FARP1: variants seen among roughly 807,000 people sequenced by gnomAD.
The protein encoded by FARP1 is FERM, ARHGEF and pleckstrin domain-containing protein 1.
In FARP1, 52 loss-of-function variants were observed where a neutral mutation model predicts 128.8. The ratio of observed to expected loss-of-function variants is 0.40; its 90% CI spans 0.32 to 0.51. The LOEUF is 0.51. Ranked by LOEUF, FARP1 falls within the 20% of genes least tolerant of loss-of-function variation. FARP1 has a pLI of 0.45. For missense variants in FARP1, 1,333 were observed against 1,367.9 expected, an observed-to-expected ratio of 0.97 and a Z score of 0.40; for synonymous variants, 580 against 551.8, an observed-to-expected ratio of 1.05 and a Z score of -0.72.
At chr13:98,182,493 AT>A (rs139148420) in intron 1 of FARP1, among the ~76,000 whole-genome samples, 73 of 151,936 alleles carry the variant, frequency 4.8e-4, no homozygotes, top group Middle Eastern at 3.4e-3. Context: ...CACCTGGCTG[AT>A]TTTTGTATTT....
intron 2 of FARP1, among the ~76,000 whole-genome samples, chr13:98,318,966 T>TG (rs200771323): frequency 0.017 from 2,401 of 141,762 alleles, 71 homozygotes; most frequent in African/African-American, 0.058. Context: ...TTTTTTTTTT[T>TG]TTTGTTTGTT....
At chr13:98,196,349 C>T (rs987572633) in intron 1 of FARP1, among the ~76,000 whole-genome samples, 2 of 152,110 alleles carry the variant, frequency 1.3e-5, no homozygotes, top group South Asian at 2.1e-4. Flanking sequence ...CTGCCACTTA[C>T]GAGCTGGGTG....
intron 13 of FARP1, chr13:98,406,108 C>G (rs1890961453): frequency 6.6e-6 from 1 of 152,224 alleles, no homozygotes; most frequent in South Asian, 2.1e-4. Flanking sequence ...TTCCCACCTG[C>G]TGGTATGGAC....
chr13:98,301,170 G>C (rs192250381), intron 2 of FARP1, among the ~76,000 whole-genome samples: 19 of 152,340 alleles, frequency 1.2e-4, no homozygotes, highest in African/African-American at 4.6e-4. Flanking sequence ...TCAAATGTCA[G>C]TAATGCAGAG....
At chr13:98,384,513 A>G in intron 6 of FARP1, 2 of 574,070 alleles carry the variant, frequency 3.5e-6, no homozygotes, top group Non-Finnish European at 6.2e-6. Context: ...TTTCTGACTG[A>G]TAGAGATGAG....
Position 98,449,050 on chromosome 13 carries a change from T to C in FARP1, c.*733T>C, listed in dbSNP as rs1179226089. The stretch of plus-strand genomic sequence containing the variant: ...GAGATCCAGTGCAATACCTGGACTG[T>C]CACCGTCCTGTGAGTGGTGTACACA... On this transcript the variant is annotated 3_prime_UTR_variant, in exon 27 of 27. Coordinates refer to ENST00000319562, the MANE Select transcript of FARP1 (RefSeq NM_005766.4). The C allele has an allele frequency of 6.6e-6, 1 of 152,250 alleles. No individual in the cohort carries two copies. Among genetic ancestry groups the C allele is most frequent in the Non-Finnish European group, 1.5e-5 (1 of 68,066 alleles). The allele number at this position is 152,250 out of a possible 1,614,324, so 9.4% of individuals were successfully genotyped here.
chr13:98,396,424 T>C, intron 13 of FARP1: 1 of 399,004 alleles, frequency 2.5e-6, no homozygotes, highest in Non-Finnish European at 4.4e-6. Flanking sequence ...CCGGGGGTCC[T>C]TGGGTGGCCT....
At chr13:98,308,956 C>T (rs905311544) in intron 2 of FARP1, among the ~76,000 whole-genome samples, 11 of 152,098 alleles carry the variant, frequency 7.2e-5, no homozygotes, top group East Asian at 1.9e-4. Context: ...GCTGGGATTA[C>T]AGGCGTGAGC....
At chr13:98,340,111 GT>G (rs1489472715) in intron 2 of FARP1, among the ~76,000 whole-genome samples, 8 of 151,502 alleles carry the variant, frequency 5.3e-5, no homozygotes, top group Admixed American at 5.3e-4. Context: ...GAGATTTCTA[GT>G]ATTGAATTTT....
intron 1 of FARP1, among the ~76,000 whole-genome samples, chr13:98,156,858 C>T (rs1876527843): frequency 6.6e-6 from 1 of 152,186 alleles, no homozygotes; most frequent in African/African-American, 2.4e-5. Context: ...TGCACCTGGC[C>T]TAGAATGTAT....
At chr13:98,210,711 G>A (rs1880649090) in intron 1 of FARP1, among the ~76,000 whole-genome samples, 1 of 152,000 alleles carries the variant, frequency 6.6e-6, no homozygotes, top group South Asian at 2.1e-4. Flanking sequence ...CACCACGCCT[G>A]GCTAATTTTC....
At chr13:98,394,466 C>A (rs1256319140) in intron 12 of FARP1, among the ~76,000 whole-genome samples, 2 of 152,192 alleles carry the variant, frequency 1.3e-5, no homozygotes, top group Admixed American at 1.3e-4. Flanking sequence ...CTGGAGACCC[C>A]CTGTGGGCTG....
chr13:98,211,271 A>G (rs972555918), intron 1 of FARP1, among the ~76,000 whole-genome samples: 2 of 152,194 alleles, frequency 1.3e-5, no homozygotes, highest in Admixed American at 1.3e-4. Context: ...GGCGAGCATC[A>G]CCACCTGAGC....
At chr13:98,404,892 C>G (rs558066788) in intron 13 of FARP1, 2 of 152,208 alleles carry the variant, frequency 1.3e-5, no homozygotes, top group African/African-American at 4.8e-5. Context: ...TCTTGGATTA[C>G]TATTTTTTTA....
intron 2 of FARP1, among the ~76,000 whole-genome samples, chr13:98,278,576 G>C (rs190680796): frequency 1.2e-4 from 18 of 152,034 alleles, no homozygotes; most frequent in Admixed American, 1.2e-3. Flanking sequence ...AACATCCTTC[G>C]TTTTCTGGTT....
chr13:98,359,870 C>T (rs1256057566), intron 3 of FARP1, among the ~76,000 whole-genome samples: 1 of 152,068 alleles, frequency 6.6e-6, no homozygotes, highest in Non-Finnish European at 1.5e-5. Context: ...GTGTTCCAAA[C>T]GGGGAAGGTA....
chr13:98,231,698 G>A (rs915800544), intron 2 of FARP1, among the ~76,000 whole-genome samples: 1 of 152,014 alleles, frequency 6.6e-6, no homozygotes, highest in African/African-American at 2.4e-5. Context: ...CTTGGCCTCC[G>A]AAAGTGTTGG....
At chr13:98,405,476 G>C (rs568996615) in intron 13 of FARP1, 2 of 152,264 alleles carry the variant, frequency 1.3e-5, no homozygotes, top group East Asian at 3.9e-4. Context: ...GTCTGAGGGG[G>C]GCAGCATAAA....
At chr13:98,149,913 A>G (rs1420611938) in intron 1 of FARP1, among the ~76,000 whole-genome samples, 1 of 149,604 alleles carries the variant, frequency 6.7e-6, no homozygotes, top group East Asian at 2.0e-4. Context: ...AATTTTTTGT[A>G]TTTTTAGTAG....
Sources: allele counts gnomAD v4.1 joint callset (sites outside exome capture counted in the v4.1 genomes callset), GRCh38; gene constraint gnomAD v4.1.1; transcripts MANE v1.5; gene names NCBI Gene and HGNC (gene_info 2026-07-23, HGNC 2026-07-21).